DUSP16: variants seen among roughly 807,000 people sequenced by gnomAD.
DUSP16 encodes dual specificity phosphatase 16.
Under a neutral mutation model 58.3 loss-of-function variants are expected in DUSP16, and 21 were observed. The observed-to-expected ratio is 0.36, with a 90% confidence interval of 0.26 to 0.52. The LOEUF is 0.52. DUSP16 is among the 20% of genes least tolerant of loss of function. The pLI, the probability that DUSP16 is intolerant of heterozygous loss-of-function variation, is 0.94. For synonymous variants in DUSP16, 320 were observed against 323.8 expected, an observed-to-expected ratio of 0.99 and a Z score of 0.12; for missense variants, 726 against 819.0, an observed-to-expected ratio of 0.89 and a Z score of 1.39.
chr12:12,481,234 T>C (rs1021309441), intron 5 of DUSP16, among the ~76,000 whole-genome samples: 1 of 152,192 alleles, frequency 6.6e-6, no homozygotes, highest in African/African-American at 2.4e-5. Flanking sequence ...ACGGACACTT[T>C]GTTAGAACCA....
intron 1 of DUSP16, among the ~76,000 whole-genome samples, chr12:12,528,398 G>T (rs559960728): frequency 6.6e-6 from 1 of 152,162 alleles, no homozygotes; most frequent in Non-Finnish European, 1.5e-5. Flanking sequence ...GAGGAAATAC[G>T]GCCAGGGATT....
At chr12:12,479,317 T>A (rs954772004) in intron 6 of DUSP16, among the ~76,000 whole-genome samples, 1 of 151,938 alleles carries the variant, frequency 6.6e-6, no homozygotes, top group Admixed American at 6.6e-5. Flanking sequence ...TAAAGCAAAT[T>A]CACAAAAATA....
rs199572494 is a variant in DUSP16, at chr12:12,477,379, C to T, written c.1452G>A (p.Leu484=). ...CACTGCTGCTGGTTCTGACCGAATG[C>T]AATCGCTTGCTCTGGCTGTCTGAAG... The part of the protein sequence containing the change: ...ARPSDSQSKR[L]HSVRTSSSGT... The change falls in exon 7 of 7, where the codon TTG becomes TTA. Residue 484 remains leucine, a synonymous_variant. Transcript: ENST00000298573. The surrounding 1 kb of genome is among the most constrained non-coding windows in gnomAD (Gnocchi z 4.1). 6 of 1,613,566 alleles carry T rather than the reference C, an allele frequency of 3.7e-6. No homozygotes were observed. In the African/African-American group the frequency reaches 5.3e-5, roughly 14 times the overall value.
chr12:12,498,785 T>TA (rs2136210302), intron 4 of DUSP16, among the ~76,000 whole-genome samples: 1 of 152,282 alleles, frequency 6.6e-6, no homozygotes, highest in Admixed American at 6.5e-5. Context: ...CCTTGCAGAA[T>TA]AAAAATAAAA....
rs570184857 is a variant in DUSP16, at chr12:12,500,529, A to G, written c.521T>C (p.Val174Ala). 1 of 1,608,508 alleles carries G rather than the reference A, an allele frequency of 6.2e-7. No homozygotes were observed. The highest frequency in any genetic ancestry group is 2.2e-5 in the East Asian group (1 of 44,576). The change falls in exon 4 of 7, where the codon GTC becomes GCC. Residue 174 changes from valine (V) to alanine (A), a missense_variant. By Grantham distance (64) the Val-to-Ala change is moderately conservative. Transcript: ENST00000298573. ...TTTCAAAGCACCCACCTTGTTGAGGACATCTCGCTGGCAGCCAAGATAAAG... is the reference window on the plus strand; with the variant it reads ...TTTCAAAGCACCCACCTTGTTGAGGGCATCTCGCTGGCAGCCAAGATAAAG... ...PNLYLGCQRD[V>A]LNKELMQQNG...
At chr12:12,561,904 C>G (rs867880143) in intron 1 of DUSP16, among the ~76,000 whole-genome samples, 16 of 150,562 alleles carry the variant, frequency 1.1e-4, no homozygotes, top group South Asian at 8.3e-4. Context: ...GCTTCAAACG[C>G]TCCTGCGGCC....
intron 1 of DUSP16, among the ~76,000 whole-genome samples, chr12:12,552,301 CTGGG>C (rs1944740142): frequency 6.6e-6 from 1 of 151,964 alleles, no homozygotes. Context: ...TAAAAATTAG[CTGGG>C]CATGGTGGTG....
chr12:12,477,741 G>A lies in DUSP16; in HGVS notation c.1090C>T (p.Pro364Ser). The change falls in exon 7 of 7, where the codon CCC becomes TCC. Residue 364 changes from proline (P) to serine (S), a missense_variant. By Grantham distance (74) the Pro-to-Ser change is moderately conservative. Coordinates refer to ENST00000298573, the MANE Select transcript of DUSP16 (RefSeq NM_030640.3). The surrounding 1 kb of genome is among the most constrained non-coding windows in gnomAD (Gnocchi z 4.1). The stretch of plus-strand genomic sequence containing the variant: ...TCTAACAGCGACGGCTGCACGCTGG[G>A]CACGCTGGGCACGCTGGCGGGATGC... ...PVHPASVPSV[P>S]SVQPSLLEDS... The A allele has an allele frequency of 6.3e-7, 1 of 1,590,198 alleles. No individual in the cohort carries two copies.
chr12:12,558,107 C>T (rs193113213), intron 1 of DUSP16, among the ~76,000 whole-genome samples: 31 of 152,380 alleles, frequency 2.0e-4, no homozygotes, highest in Non-Finnish European at 5.9e-5. Flanking sequence ...TCCTGTTCTC[C>T]ATAACATGGG....
At position 12,502,287 on chromosome 12, in the gene DUSP16, G is replaced by C. The variant is rs1464645773; in HGVS notation, c.368-1605C>G. Among the ~76,000 whole-genome samples the C allele has an allele frequency of 2.6e-5, 4 of 152,272 alleles. No homozygotes were observed. In the East Asian group the frequency reaches 5.8e-4, roughly 22 times the overall value. The stretch of plus-strand genomic sequence containing the variant: ...CCTGTCTCTACTGTCTAGGCTCAGT[G>C]CAGGGTCCTCAATGCAACAAGTTAG... On this transcript the variant is annotated intron_variant, in intron 3 of 6. Transcript: ENST00000298573.
intron 1 of DUSP16, among the ~76,000 whole-genome samples, chr12:12,533,410 T>G (rs886407248): frequency 6.6e-6 from 1 of 152,190 alleles, no homozygotes; most frequent in Non-Finnish European, 1.5e-5. Flanking sequence ...ACAACAAGGT[T>G]TGAACACATT....
chr12:12,481,013 CT>C (rs1374558266), intron 5 of DUSP16, among the ~76,000 whole-genome samples: 1 of 152,218 alleles, frequency 6.6e-6, no homozygotes, highest in Admixed American at 6.5e-5. Flanking sequence ...GCCACTGCCC[CT>C]GGCCTCCCTA....
rs191074142 is a variant in DUSP16 at position 12,513,204 on chromosome 12, A to G, written c.367+6658T>C. ...AAGACCTTTGCTGTGTTCTTAATAA[A>G]TGGTATCTTCTATCCTTATTCACAG... On this transcript the variant is annotated intron_variant, in intron 3 of 6. Transcript: ENST00000298573. Among the ~76,000 whole-genome samples the G allele has an allele frequency of 3.3e-5, 5 of 152,332 alleles. No individual in the cohort carries two copies. The East Asian group carries it at 9.6e-4, about 29-fold the overall frequency.
chr12:12,494,974 A>C (rs899859750), intron 4 of DUSP16, among the ~76,000 whole-genome samples: 8 of 152,150 alleles, frequency 5.3e-5, no homozygotes, highest in African/African-American at 1.9e-4. Flanking sequence ...TAACGGCCCC[A>C]GAAAAACCAG....
chr12:12,492,668 C>G (rs539450438), intron 4 of DUSP16, among the ~76,000 whole-genome samples: 35 of 152,166 alleles, frequency 2.3e-4, no homozygotes, highest in African/African-American at 8.4e-4. Context: ...TGAAAGAACC[C>G]CTTCTACTTG....
chr12:12,497,225 A>G (rs1182214245), intron 4 of DUSP16, among the ~76,000 whole-genome samples: 3 of 152,226 alleles, frequency 2.0e-5, no homozygotes, highest in Admixed American at 1.3e-4. Context: ...TTACTTTTAA[A>G]GGCCACTGGA....
intron 4 of DUSP16, among the ~76,000 whole-genome samples, chr12:12,496,561 C>T (rs893642062): frequency 2.0e-5 from 3 of 152,212 alleles, no homozygotes; most frequent in African/African-American, 7.2e-5. Context: ...AGTGGTTCAC[C>T]TCAGATACAG....
At chr12:12,530,117 T>C (rs1566030990) in intron 1 of DUSP16, among the ~76,000 whole-genome samples, 1 of 152,182 alleles carries the variant, frequency 6.6e-6, no homozygotes. Context: ...CTATAAATAG[T>C]TCATATTTCC....
intron 1 of DUSP16, chr12:12,554,641 T>C (rs1365022819): frequency 6.6e-6 from 1 of 152,120 alleles, no homozygotes; most frequent in Non-Finnish European, 1.5e-5. Flanking sequence ...AATGAACATT[T>C]CGCATCATTT....
Sources: gnomAD v4.1 joint callset for allele counts (sites outside exome capture counted in the v4.1 genomes callset) on GRCh38, gnomAD v4.1.1 for gene constraint, Gnocchi (gnomAD v3.1) non-coding constraint, MANE v1.5 for transcripts, NCBI Gene and HGNC (gene_info 2026-07-23, HGNC 2026-07-21) for gene names.